CPQ: variants seen among roughly 807,000 people sequenced by gnomAD.
The protein encoded by CPQ is Ser-Met dipeptidase.
Under a neutral mutation model 45.7 loss-of-function variants are expected in CPQ, and 37 were observed. The observed-to-expected ratio is 0.81, with a 90% CI of 0.62 to 1.07. The LOEUF (loss-of-function observed/expected upper bound fraction) is 1.07, where lower values mean the gene tolerates loss of function less well. CPQ is among the 50% of genes least tolerant of loss of function. The pLI, the probability that CPQ is intolerant of heterozygous loss-of-function variation, is 0.00. For missense variants in CPQ, 537 were observed against 572.9 expected (o/e 0.94, Z 0.64); for synonymous variants, 186 against 205.8 (o/e 0.90, Z 0.82).
At chr8:96,784,798 C>G (rs1322915389) in intron 1 of CPQ, 66 bp from the exon 2 acceptor site, 1 of 1,204,802 alleles carries the variant, frequency 8.3e-7, no homozygotes, top group East Asian at 2.5e-5. Flanking sequence ...AAAGCAATCC[C>G]TGGGTTATGG....
At chr8:97,142,870 C>A in intron 7 of CPQ, 150 bp from the exon 8 acceptor site, 1 of 656,360 alleles carries the variant, frequency 1.5e-6, no homozygotes, top group Non-Finnish European at 2.5e-6. Flanking sequence ...GACACATGGA[C>A]ATTTCTTGCA....
intron 5 of CPQ, among the ~76,000 whole-genome samples, chr8:96,970,017 C>T (rs981471595): frequency 6.6e-6 from 1 of 152,166 alleles, no homozygotes; most frequent in African/African-American, 2.4e-5. Context: ...GATGCAAGTT[C>T]CACTGTAGCT....
chr8:96,911,225 A>G (rs144726158), intron 4 of CPQ, among the ~76,000 whole-genome samples: 9 of 149,458 alleles, frequency 6.0e-5, no homozygotes, highest in Non-Finnish European at 1.3e-4. Context: ...CAAAACATAT[A>G]AGACATCAAC....
chr8:96,998,410 T>C lies in CPQ; in HGVS notation c.962-30993T>C, dbSNP rs543588138. Among the ~76,000 whole-genome samples, 4 of 151,912 alleles carry C rather than the reference T, an allele frequency of 2.6e-5. No homozygotes were observed. The East Asian group carries it at 7.7e-4, about 29-fold the overall frequency. On this transcript the variant is annotated intron_variant, in intron 5 of 7. Transcript: ENST00000220763. ...ACTTTATAAATTGGATCACGGAAATTAGAAATTACCAAACTGTGCAAAACA... is the reference window on the plus strand; with the variant it reads ...ACTTTATAAATTGGATCACGGAAATCAGAAATTACCAAACTGTGCAAAACA...
At position 96,785,231 on chromosome 8, in the gene CPQ, C is replaced by T. The variant is rs983351964; in HGVS notation, c.334C>T (p.His112Tyr). 6.2e-7 allele frequency: 1 copy of T among 1,613,466 alleles called. No individual in the cohort carries two copies. Among genetic ancestry groups the T allele is most frequent in the African/African-American group, 1.3e-5 (1 of 74,882 alleles). ...KVHLEPVRIP[H>Y]WERGEESAVM... ...TCACCTGGAGCCAGTGAGAATACCC[C>T]ACTGGGAGAGGGGAGAAGAATCAGC... Residue 112 changes from histidine to tyrosine, a missense_variant, in exon 2 of 8, where the codon CAC becomes TAC. By Grantham distance (83) the His-to-Tyr change is moderately conservative. Transcript: ENST00000220763.
rs540682563 is a variant in CPQ, at chr8:96,989,103, G to A, written c.961+23057G>A. ...ATTGATTCCACTAATCTGCCAGGAG[G>A]CAGAGGTGATTCCTATCATTCTGAG... is the stretch of plus-strand genomic sequence containing the variant. On this transcript the variant is annotated intron_variant, in intron 5 of 7. Transcript: ENST00000220763. Among the ~76,000 whole-genome samples, 36 of 152,280 alleles carry A rather than the reference G, an allele frequency of 2.4e-4. No individual in the cohort carries two copies. The South Asian group carries it at 5.8e-3, about 25-fold the overall frequency.
intron 1 of CPQ, among the ~76,000 whole-genome samples, chr8:96,770,185 T>C (rs188239975): frequency 6.6e-6 from 1 of 152,004 alleles, no homozygotes; most frequent in Non-Finnish European, 1.5e-5. Context: ...TGTCTGAGAG[T>C]GTGGCCAGTG....
chr8:97,055,398 C>T (rs891141068), intron 6 of CPQ: 1 of 152,142 alleles, frequency 6.6e-6, no homozygotes, highest in Non-Finnish European at 1.5e-5. Context: ...CTTTTTCAGC[C>T]TTTTGAGGTT....
At chr8:97,000,504 C>A (rs561288600) in intron 5 of CPQ, among the ~76,000 whole-genome samples, 1 of 152,218 alleles carries the variant, frequency 6.6e-6, no homozygotes, top group South Asian at 2.1e-4. Flanking sequence ...GGAAACCTTT[C>A]CCCATTGCTT....
chr8:96,755,644 C>T (rs1358693102), intron 1 of CPQ, among the ~76,000 whole-genome samples: 3 of 151,700 alleles, frequency 2.0e-5, no homozygotes, highest in Non-Finnish European at 4.4e-5. Flanking sequence ...CTTCAAAGGG[C>T]ACAAAGTATA....
chr8:96,987,204 C>T (rs796250861), intron 5 of CPQ, among the ~76,000 whole-genome samples: 41 of 152,256 alleles, frequency 2.7e-4, no homozygotes, highest in African/African-American at 9.9e-4. Flanking sequence ...CTTCCATTGT[C>T]AGATTTGAGC....
At chr8:96,775,112 G>A (rs1481577248) in intron 1 of CPQ, among the ~76,000 whole-genome samples, 2 of 152,210 alleles carry the variant, frequency 1.3e-5, no homozygotes, top group African/African-American at 4.8e-5. Flanking sequence ...GGGTCTGTTT[G>A]GGTAGAACTG....
At chr8:96,807,885 T>C (rs973253238) in intron 2 of CPQ, among the ~76,000 whole-genome samples, 4 of 152,196 alleles carry the variant, frequency 2.6e-5, no homozygotes, top group African/African-American at 9.6e-5. Flanking sequence ...TTTGAAAGGC[T>C]CTTTTCCCAC....
chr8:97,128,469 G>C (rs1811882650), intron 7 of CPQ, among the ~76,000 whole-genome samples: 1 of 152,214 alleles, frequency 6.6e-6, no homozygotes, highest in South Asian at 2.1e-4. Flanking sequence ...TGGATCACCT[G>C]AGGTTAGGAG....
chr8:97,002,386 G>A (rs1809299825), intron 5 of CPQ, among the ~76,000 whole-genome samples: 1 of 151,994 alleles, frequency 6.6e-6, no homozygotes, highest in South Asian at 2.1e-4. Flanking sequence ...CTATCTTTTG[G>A]ATGTGGGCAT....
chr8:96,707,018 T>C (rs1487184044), intron 1 of CPQ, among the ~76,000 whole-genome samples: 1 of 152,146 alleles, frequency 6.6e-6, no homozygotes, highest in Non-Finnish European at 1.5e-5. Context: ...CAGAATTTAT[T>C]TGATTTAGTT....
At chr8:97,035,777 G>A (rs1222156621) in intron 6 of CPQ, among the ~76,000 whole-genome samples, 4 of 151,934 alleles carry the variant, frequency 2.6e-5, no homozygotes, top group Admixed American at 6.6e-5. Flanking sequence ...GCGCGATCTC[G>A]GCTCACTGCA....
intron 3 of CPQ, among the ~76,000 whole-genome samples, chr8:96,850,596 A>G (rs948813698): frequency 2.7e-5 from 4 of 147,052 alleles, no homozygotes; most frequent in Admixed American, 6.8e-5. Flanking sequence ...TTATTTATTT[A>G]TTTATTTATT....
At chr8:96,910,406 A>G (rs1233684595) in intron 4 of CPQ, among the ~76,000 whole-genome samples, 2 of 152,220 alleles carry the variant, frequency 1.3e-5, no homozygotes, top group Non-Finnish European at 2.9e-5. Flanking sequence ...AATAACCACA[A>G]TGGTTATCAT....
Sources: allele counts gnomAD v4.1 joint callset (sites outside exome capture counted in the v4.1 genomes callset), GRCh38; gene constraint gnomAD v4.1.1; transcripts MANE v1.5; gene names NCBI Gene and HGNC (gene_info 2026-07-23, HGNC 2026-07-21).